Variants in SLC23A2 observed in about 807,000 individuals in gnomAD.
SLC23A2 encodes the protein solute carrier family 23 member 2, also known as Na(+)/L-ascorbic acid transporter 2.
Under a neutral mutation model 73.3 loss-of-function variants are expected in SLC23A2, and 36 were observed. The ratio of observed to expected loss-of-function variants is 0.49; its 90% CI spans 0.38 to 0.65. The LOEUF (loss-of-function observed/expected upper bound fraction) is 0.65, where lower values mean the gene tolerates loss of function less well. SLC23A2 is among the 30% of genes least tolerant of loss of function. The probability of loss-of-function intolerance (pLI) is 0.00; values close to 1 mark genes in which losing one functional copy is unlikely to be tolerated. For synonymous variants in SLC23A2, 343 were observed against 327.3 expected (o/e 1.05, Z -0.52); for missense variants, 507 against 841.6 (o/e 0.60, Z 4.92).
At chr20:4,905,948 A>G (rs1336698633) in intron 4 of SLC23A2, among the ~76,000 whole-genome samples, 1 of 152,244 alleles carries the variant, frequency 6.6e-6, no homozygotes, top group East Asian at 1.9e-4. Flanking sequence ...TGATTATCAT[A>G]AAGTAGCATG....
intron 3 of SLC23A2, among the ~76,000 whole-genome samples, chr20:4,931,608 A>T: frequency 6.6e-6 from 1 of 152,056 alleles, no homozygotes. Context: ...AGTAGAAAAA[A>T]TTAGCCAGCT....
At chr20:4,910,598 G>C (rs1273627997) in intron 4 of SLC23A2, among the ~76,000 whole-genome samples, 1 of 151,980 alleles carries the variant, frequency 6.6e-6, no homozygotes, top group Non-Finnish European at 1.5e-5. Context: ...ACCCCTCCTG[G>C]CTAATTTTTG....
chr20:4,959,307 C>T (rs1349977627), intron 2 of SLC23A2, among the ~76,000 whole-genome samples: 2 of 151,838 alleles, frequency 1.3e-5, no homozygotes, highest in Non-Finnish European at 2.9e-5. Context: ...GTTACTGGAA[C>T]TCTCATACTC....
chr20:4,943,612 T>C (rs913128234), intron 2 of SLC23A2, among the ~76,000 whole-genome samples: 7 of 150,428 alleles, frequency 4.7e-5, no homozygotes, highest in African/African-American at 1.5e-4. Context: ...AAGGTAAAGG[T>C]TGCAGTGAGC....
chr20:4,868,192 G>A lies in SLC23A2; in HGVS notation c.1251-317C>T, dbSNP rs1019086530. ...CCTCCTGGGTTCAAGAGATTCTCCT[G>A]CCTCCCGAGTAGCTGGGATTACAGG... is the stretch of plus-strand genomic sequence containing the variant. On this transcript the variant is annotated intron_variant, in intron 12 of 16. Transcript: ENST00000338244. The surrounding 1 kb of genome is among the most constrained non-coding windows in gnomAD (Gnocchi z 4.4). Among the ~76,000 whole-genome samples, 6 of 148,114 alleles carry A rather than the reference G, an allele frequency of 4.1e-5. No homozygotes were observed. Among genetic ancestry groups the A allele is most frequent in the African/African-American group, 1.3e-4 (5 of 39,902 alleles).
chr20:4,968,463 C>T (rs896867715), intron 2 of SLC23A2, among the ~76,000 whole-genome samples: 9 of 151,962 alleles, frequency 5.9e-5, no homozygotes, highest in Admixed American at 1.3e-4. Context: ...TCTGGGCAGG[C>T]GAGGAGAGCA....
intron 15 of SLC23A2, 29 bp from the exon 16 acceptor site, chr20:4,859,413 C>A (rs758238701): frequency 8.2e-6 from 12 of 1,460,286 alleles, no homozygotes. Flanking sequence ...CATAAACGAT[C>A]AGTGCCACAG....
chr20:4,996,691 A>C (rs1037390669), intron 1 of SLC23A2, among the ~76,000 whole-genome samples: 2 of 131,900 alleles, frequency 1.5e-5, no homozygotes, highest in Non-Finnish European at 3.3e-5. Context: ...ATCTCAAAAA[A>C]AAAAAAAAAA....
intron 2 of SLC23A2, among the ~76,000 whole-genome samples, chr20:4,967,950 T>C (rs1273629222): frequency 6.6e-6 from 1 of 152,204 alleles, no homozygotes; most frequent in Admixed American, 6.5e-5. Flanking sequence ...GCCTCCTCTT[T>C]TCTCAGTTTA....
chr20:4,969,516 A>G (rs1221912382), intron 2 of SLC23A2, among the ~76,000 whole-genome samples: 1 of 152,162 alleles, frequency 6.6e-6, no homozygotes, highest in East Asian at 1.9e-4. Context: ...ACACTGACAT[A>G]ACATTTTACA....
rs917938071 is a variant in SLC23A2, at chr20:4,862,525, T to C, written c.1486+253A>G. 2.0e-5 allele frequency among the ~76,000 whole-genome samples: 3 copies of C among 152,188 alleles called. No individual in the cohort carries two copies. Among genetic ancestry groups the C allele is most frequent in the African/African-American group, 7.2e-5 (3 of 41,452 alleles). On this transcript the variant is annotated intron_variant, in intron 14 of 16. Coordinates refer to ENST00000338244, the MANE Select transcript of SLC23A2 (RefSeq NM_005116.6). The surrounding 1 kb of genome is among the most constrained non-coding windows in gnomAD (Gnocchi z 5.1). The stretch of plus-strand genomic sequence containing the variant: ...CAGAGGGATGGTATTTGAGTTAAAT[T>C]GGTCAGAAATACTAAAGAGATTAAA...
At chr20:5,000,618 C>T (rs1348361150) in intron 1 of SLC23A2, among the ~76,000 whole-genome samples, 1 of 152,182 alleles carries the variant, frequency 6.6e-6, no homozygotes, top group Non-Finnish European at 1.5e-5. Flanking sequence ...CTCATTTACC[C>T]TTTGCCCTGA....
At chr20:4,869,405 T>TAA (rs199826860) in intron 12 of SLC23A2, among the ~76,000 whole-genome samples, 60 of 118,814 alleles carry the variant, frequency 5.0e-4, no homozygotes, top group African/African-American at 1.8e-3. Context: ...TCAGTTTGTG[T>TAA]AAAAAAAAAA....
intron 1 of SLC23A2, among the ~76,000 whole-genome samples, chr20:4,980,995 T>C (rs1392132968): frequency 1.3e-5 from 2 of 152,198 alleles, no homozygotes; most frequent in Non-Finnish European, 2.9e-5. Flanking sequence ...TTCTAACCAA[T>C]AGCTTCATAT....
At chr20:4,878,901 C>A (rs1034188031) in intron 9 of SLC23A2, among the ~76,000 whole-genome samples, 4 of 152,192 alleles carry the variant, frequency 2.6e-5, no homozygotes, top group Non-Finnish European at 5.9e-5. Context: ...CCTCTACAGG[C>A]AAGTCACCAT....
At chr20:4,877,565 A>C (rs781145573) in intron 9 of SLC23A2, among the ~76,000 whole-genome samples, 4 of 152,218 alleles carry the variant, frequency 2.6e-5, no homozygotes, top group Non-Finnish European at 5.9e-5. Context: ...ACTAGTTAAC[A>C]ATCATGAGAT....
chr20:4,990,734 G>A (rs1048060362), intron 1 of SLC23A2, among the ~76,000 whole-genome samples: 1 of 151,068 alleles, frequency 6.6e-6, no homozygotes, highest in African/African-American at 2.4e-5. Flanking sequence ...GTAATTCCCA[G>A]CACTGTTGGA....
At chr20:4,867,339 GT>G (rs1187838903) in intron 13 of SLC23A2, among the ~76,000 whole-genome samples, 2 of 152,130 alleles carry the variant, frequency 1.3e-5, no homozygotes, top group Non-Finnish European at 2.9e-5. Context: ...CTGTGTTCAG[GT>G]CACCTGATCA....
intron 4 of SLC23A2, among the ~76,000 whole-genome samples, chr20:4,904,683 G>A (rs1931873230): frequency 6.6e-6 from 1 of 152,182 alleles, no homozygotes; most frequent in Admixed American, 6.5e-5. Flanking sequence ...AAAGTAACAT[G>A]ACAAAGTATT....
Sources: allele counts gnomAD v4.1 joint callset (sites outside exome capture counted in the v4.1 genomes callset), GRCh38; gene constraint gnomAD v4.1.1; non-coding constraint Gnocchi (gnomAD v3.1); transcripts MANE v1.5; gene names NCBI Gene and HGNC (gene_info 2026-07-23, HGNC 2026-07-21).